PITPNM3: variants seen among roughly 807,000 people sequenced by gnomAD.
The protein encoded by PITPNM3 is membrane-associated phosphatidylinositol transfer protein 3.
PITPNM3 carries 26 observed loss-of-function variants against 102.0 expected under a neutral mutation model. The observed-to-expected ratio is 0.25, with a 90% CI of 0.19 to 0.35. The LOEUF (loss-of-function observed/expected upper bound fraction) is 0.35, where lower values mean the gene tolerates loss of function less well. PITPNM3 is among the 10% of genes least tolerant of loss of function. PITPNM3 has a pLI of 1.00. For synonymous variants in PITPNM3, 578 were observed against 558.6 expected (o/e 1.03, Z -0.49); for missense variants, 1,083 against 1,346.1 (o/e 0.80, Z 3.06).
At chr17:6,462,884 T>G (rs575088135) in intron 17 of PITPNM3, among the ~76,000 whole-genome samples, 1 of 150,070 alleles carries the variant, frequency 6.7e-6, no homozygotes, top group Non-Finnish European at 1.5e-5. Flanking sequence ...GAGCACCATG[T>G]GGAGCACCAT....
chr17:6,461,699 A>G, intron 17 of PITPNM3, 143 bp from the exon 18 acceptor site: 2 of 956,294 alleles, frequency 2.1e-6, no homozygotes, highest in Admixed American at 3.8e-5. Flanking sequence ...GGGGACCCCG[A>G]ATCCCCTCTC....
At chr17:6,534,688 C>G (rs1389631853) in intron 2 of PITPNM3, among the ~76,000 whole-genome samples, 1 of 152,204 alleles carries the variant, frequency 6.6e-6, no homozygotes, top group Non-Finnish European at 1.5e-5. Context: ...TACACTGTTC[C>G]CAGGTCCAGT....
At position 6,525,437 on chromosome 17, in the gene PITPNM3, TG is replaced by T; in HGVS notation, c.144del (p.Ile49SerfsTer5). Reference protein sequence around the residue: ...AREEMAEGKNAILIGMSQWNS... With the variant: ...AREEMAEGKNXILIGMSQWNS... ...TTCCACTGGCTCATCCCAATGAGGATGGCATTCTTCCCTTCAGCCATCTCCT... is the reference window on the plus strand; with the variant it reads ...TTCCACTGGCTCATCCCAATGAGGATGCATTCTTCCCTTCAGCCATCTCCT... On this transcript the variant is annotated frameshift_variant, in exon 3 of 20. Transcript: ENST00000262483. LOFTEE classifies it high-confidence loss of function. 1 of 1,614,214 alleles carries T rather than the reference TG, an allele frequency of 6.2e-7. No individual in the cohort carries two copies. Among genetic ancestry groups the T allele is most frequent in the Non-Finnish European group, 8.5e-7 (1 of 1,180,026 alleles).
At chr17:6,481,777 T>TAGATAGAA (rs1203057379) in intron 6 of PITPNM3, 1 of 147,586 alleles carries the variant, frequency 6.8e-6, no homozygotes, top group Admixed American at 6.8e-5. Context: ...GATAGATAGA[T>TAGATAGAA]AGATAATGGA....
At chr17:6,503,479 A>G in intron 4 of PITPNM3, 48 bp downstream of exon 4, 1 of 1,593,864 alleles carries the variant, frequency 6.3e-7, no homozygotes, top group Non-Finnish European at 8.6e-7. Context: ...ATGAGCTTGC[A>G]CCCATCCAAG....
intron 3 of PITPNM3, among the ~76,000 whole-genome samples, chr17:6,506,462 C>T (rs1191724477): frequency 6.6e-6 from 1 of 151,708 alleles, no homozygotes; most frequent in African/African-American, 2.4e-5. Context: ...ACCTCCGCCT[C>T]CCAGGTTCAA....
At position 6,556,268 on chromosome 17, in the gene PITPNM3, C is replaced by T; in HGVS notation, c.22+117G>A. 1.2e-6 allele frequency: 1 copy of T among 845,672 alleles called. No individual in the cohort carries two copies. Among genetic ancestry groups the T allele is most frequent in the Non-Finnish European group, 1.6e-6 (1 of 617,786 alleles). 52.4% of individuals were successfully genotyped at this position (845,672 alleles called of 1,614,324 possible). ...CCAGCCCCGCTACCGCCCCCTACGC[C>T]CTCCCGGGACCTCCGCCCACCTGCG... On this transcript the variant is annotated intron_variant, in intron 1 of 19. Transcript: ENST00000262483. The surrounding 1 kb of genome is among the most constrained non-coding windows in gnomAD (Gnocchi z 5.2).
intron 3 of PITPNM3, among the ~76,000 whole-genome samples, chr17:6,519,075 T>C (rs941713693): frequency 1.3e-4 from 20 of 151,916 alleles, no homozygotes; most frequent in Non-Finnish European, 1.9e-4. Flanking sequence ...TGGTGGCTCA[T>C]GCCTGTAATC....
At chr17:6,481,321 C>T (rs1905657339) in intron 6 of PITPNM3, 1 of 153,228 alleles carries the variant, frequency 6.5e-6, no homozygotes, top group South Asian at 2.0e-4. Flanking sequence ...TGGCTAGATC[C>T]CCACAGCTGG....
chr17:6,478,587 T>A lies in PITPNM3; in HGVS notation c.737A>T (p.Glu246Val). The A allele has an allele frequency of 6.2e-7, 1 of 1,614,048 alleles. No homozygotes were observed. The highest frequency in any genetic ancestry group is 8.5e-7 in the Non-Finnish European group (1 of 1,180,004). Residue 246 changes from glutamate (E) to valine (V), a missense_variant, in exon 7 of 20, where the codon GAG becomes GTG. Physicochemically the swap from Glu to Val is moderately radical, Grantham distance 121. This residue lies in a region of PITPNM3 where 290 missense variants were observed against 337.8 expected (regional missense o/e 0.86). Coordinates refer to ENST00000262483, the MANE Select transcript of PITPNM3 (RefSeq NM_031220.4). This position sits in a 1 kb window ranked among gnomAD's most constrained non-coding sequence, Gnocchi z 4.4. Reference sequence around the variant, plus strand: ...AATCCCATCAGAGGACTTCAGGAACTCTCTGTAGACCTGGTTGGCTCGCTC... The same window carrying A: ...AATCCCATCAGAGGACTTCAGGAACACTCTGTAGACCTGGTTGGCTCGCTC... Reference protein sequence around the residue: ...VIERANQVYREFLKSSDGIGF... With the variant: ...VIERANQVYRVFLKSSDGIGF...
intron 1 of PITPNM3, among the ~76,000 whole-genome samples, chr17:6,541,501 A>T (rs1362230216): frequency 2.0e-5 from 3 of 152,102 alleles, no homozygotes; most frequent in Non-Finnish European, 2.9e-5. Context: ...GGGGAAATGG[A>T]GCCTGACCAG....
In PITPNM3 at chr17:6,471,315, G is replaced by T. The variant is rs1182833652; in HGVS notation, c.1470C>A (p.Gly490=). The change falls in exon 12 of 20, where the codon GGC becomes GGA. Residue 490 remains glycine, a synonymous_variant. Coordinates refer to ENST00000262483, the MANE Select transcript of PITPNM3 (RefSeq NM_031220.4). ...LHTHSPLFLE[G]SSRDSPPLLD... ...GAAGTGGCGGGCTGTCCCGGGAGCTGCCCTCCAGGAAGAGGGGGCTGTGGG... is the reference window on the plus strand; with the variant it reads ...GAAGTGGCGGGCTGTCCCGGGAGCTTCCCTCCAGGAAGAGGGGGCTGTGGG... 1.2e-6 allele frequency: 2 copies of T among 1,608,738 alleles called. No individual in the cohort carries two copies. The highest frequency in any genetic ancestry group is 3.4e-5 in the Admixed American group (2 of 59,692).
chr17:6,536,839 G>A (rs1043045756), intron 2 of PITPNM3, among the ~76,000 whole-genome samples: 7 of 152,144 alleles, frequency 4.6e-5, no homozygotes, highest in African/African-American at 9.7e-5. Context: ...CCTAAATATG[G>A]TGACTTCCCA....
intron 3 of PITPNM3, among the ~76,000 whole-genome samples, chr17:6,506,442 G>A (rs1907515904): frequency 6.7e-6 from 1 of 150,002 alleles, no homozygotes; most frequent in South Asian, 2.1e-4. Flanking sequence ...TGCGATTTCG[G>A]CTCACTGTAA....
intron 18 of PITPNM3, chr17:6,460,664 T>C (rs1264307146): frequency 6.6e-6 from 1 of 152,482 alleles, no homozygotes; most frequent in Non-Finnish European, 1.5e-5. Context: ...TCTCCATCCA[T>C]TTGAAAGTGT....
intron 1 of PITPNM3, among the ~76,000 whole-genome samples, chr17:6,550,086 C>T (rs356041): frequency 6.6e-6 from 1 of 152,236 alleles, no homozygotes; most frequent in East Asian, 1.9e-4. Context: ...GACCCTCAAA[C>T]TCTTCCCTTT....
chr17:6,546,868 T>C (rs756470238), intron 1 of PITPNM3, among the ~76,000 whole-genome samples: 10 of 152,212 alleles, frequency 6.6e-5, no homozygotes, highest in Non-Finnish European at 1.2e-4. Context: ...TAGCCAGGCA[T>C]GGTGGCACAT....
chr17:6,455,397 G>C lies in PITPNM3; in HGVS notation c.2866C>G (p.Arg956Gly). The C allele has an allele frequency of 6.3e-7, 1 of 1,596,016 alleles. No homozygotes were observed. Among genetic ancestry groups the C allele is most frequent in the Non-Finnish European group, 8.5e-7 (1 of 1,173,564 alleles). The change falls in exon 20 of 20, where the codon CGG becomes GGG. Residue 956 changes from arginine to glycine, a missense_variant. Arg to Gly is a moderately radical substitution (Grantham distance 125). Around this residue, in one of 5 missense-constraint regions of PITPNM3, gnomAD observed 208 missense variants for 178.2 expected, o/e 1.17. Transcript: ENST00000262483. ...GCCCAGCTGAGCGCCGGCAGCGGCCGCTCGTGGTCTTTGTCCGACTCGGGC... is the reference window on the plus strand; with the variant it reads ...GCCCAGCTGAGCGCCGGCAGCGGCCCCTCGTGGTCTTTGTCCGACTCGGGC... ...SQPESDKDHE[R>G]PLPALSWARG... is the part of the protein sequence containing the mutation.
chr17:6,481,489 AT>A (rs1164871928), intron 6 of PITPNM3: 4 of 152,284 alleles, frequency 2.6e-5, no homozygotes, highest in Non-Finnish European at 5.9e-5. Context: ...GTTATTTACT[AT>A]GGCTACCTTC....
Sources: allele counts gnomAD v4.1 joint callset (sites outside exome capture counted in the v4.1 genomes callset), GRCh38; gene constraint gnomAD v4.1.1; regional missense constraint gnomAD v4.1.1; non-coding constraint Gnocchi (gnomAD v3.1); transcripts MANE v1.5; gene names NCBI Gene and HGNC (gene_info 2026-07-23, HGNC 2026-07-21).